The following ADAMTS20 variants were observed in gnomAD, a reference collection of about 807,000 sequenced individuals.
The protein encoded by ADAMTS20 is ADAM metallopeptidase with thrombospondin type 1 motif 20.
A neutral mutation model predicts 260.1 loss-of-function variants in ADAMTS20; 225 were observed. The observed-to-expected ratio is 0.87, with a 90% CI of 0.78 to 0.97. The LOEUF is 0.97. ADAMTS20 is among the 50% of genes least tolerant of loss of function. The probability of loss-of-function intolerance (pLI) is 0.00; values close to 1 mark genes in which losing one functional copy is unlikely to be tolerated. For missense variants in ADAMTS20, 2,400 were observed against 2,337.7 expected, an observed-to-expected ratio of 1.03 and a Z score of -0.55; for synonymous variants, 802 against 769.5, an observed-to-expected ratio of 1.04 and a Z score of -0.70.
intron 28 of ADAMTS20, among the ~76,000 whole-genome samples, chr12:43,406,201 T>C (rs150339468): frequency 0.011 from 1,625 of 152,274 alleles, 13 homozygotes; most frequent in Non-Finnish European, 0.018. Context: ...TGTTGGAGTG[T>C]CTCTCTTGGA....
intron 2 of ADAMTS20, among the ~76,000 whole-genome samples, chr12:43,545,121 C>T (rs901426018): frequency 6.6e-6 from 1 of 152,204 alleles, no homozygotes; most frequent in African/African-American, 2.4e-5. Flanking sequence ...CACTCTTCTC[C>T]TTCCCCACTG....
At chr12:43,492,419 C>T in intron 6 of ADAMTS20, 86 bp downstream of exon 6, 2 of 1,395,548 alleles carry the variant, frequency 1.4e-6, no homozygotes, top group East Asian at 2.5e-5. Context: ...AAAAACAAAA[C>T]AAAAAAAAGA....
At chr12:43,521,328 T>C (rs1943069048) in intron 3 of ADAMTS20, among the ~76,000 whole-genome samples, 1 of 152,176 alleles carries the variant, frequency 6.6e-6, no homozygotes, top group Non-Finnish European at 1.5e-5. Context: ...ATTAAATTAT[T>C]ACATTTAAAG....
intron 3 of ADAMTS20, among the ~76,000 whole-genome samples, chr12:43,507,823 A>C (rs1391133692): frequency 2.0e-5 from 3 of 152,200 alleles, no homozygotes; most frequent in Admixed American, 6.5e-5. Flanking sequence ...AAAAGGAACG[A>C]GGTATCTTTT....
intron 11 of ADAMTS20, among the ~76,000 whole-genome samples, chr12:43,456,429 G>A (rs926365492): frequency 2.0e-5 from 3 of 152,082 alleles, no homozygotes; most frequent in African/African-American, 7.2e-5. Flanking sequence ...CTCCTTGAAA[G>A]AGTCGGCCAT....
chr12:43,375,553 C>G, intron 35 of ADAMTS20, 41 bp from the exon 36 acceptor site: 1 of 1,605,174 alleles, frequency 6.2e-7, no homozygotes, highest in Non-Finnish European at 8.5e-7. Flanking sequence ...GATGCAGTTA[C>G]GAGGCCATAA....
At chr12:43,369,720 T>C (rs937482912) in intron 36 of ADAMTS20, among the ~76,000 whole-genome samples, 2 of 151,916 alleles carry the variant, frequency 1.3e-5, no homozygotes, top group African/African-American at 4.8e-5. Context: ...GCAAAATCAC[T>C]GGAGAAAAAA....
At chr12:43,501,481 G>GCGCA (rs373746834) in intron 4 of ADAMTS20, among the ~76,000 whole-genome samples, 1,487 of 117,732 alleles carry the variant, frequency 0.013, 14 homozygotes, top group Middle Eastern at 0.032. Flanking sequence ...GCGCGCGCGC[G>GCGCA]CACACACACA....
intron 7 of ADAMTS20, among the ~76,000 whole-genome samples, chr12:43,486,878 A>G (rs1312117371): frequency 1.3e-5 from 2 of 152,230 alleles, no homozygotes; most frequent in Non-Finnish European, 2.9e-5. Flanking sequence ...ATGAGATACC[A>G]TCTTACCACA....
rs968666584 is a variant in ADAMTS20 at position 43,537,226 on chromosome 12, T to G, written c.454-5031A>C. Among the ~76,000 whole-genome samples, 4 of 151,188 alleles carry G rather than the reference T, an allele frequency of 2.6e-5. No homozygotes were observed. The East Asian group carries it at 7.8e-4, about 30-fold the overall frequency. On this transcript the variant is annotated intron_variant, in intron 2 of 38. Coordinates refer to ENST00000389420, the MANE Select transcript of ADAMTS20 (RefSeq NM_025003.5). Reference sequence around the variant, plus strand: ...GGCGGAATTTTGAAGGTTTTTTTTTTGTATTTTTGGTAGAGATGGGGTTTC... The same window carrying G: ...GGCGGAATTTTGAAGGTTTTTTTTTGGTATTTTTGGTAGAGATGGGGTTTC...
intron 3 of ADAMTS20, among the ~76,000 whole-genome samples, chr12:43,528,952 G>C (rs1256434823): frequency 1.3e-5 from 2 of 151,852 alleles, no homozygotes; most frequent in Non-Finnish European, 2.9e-5. Flanking sequence ...AAATAAATCA[G>C]CAAGAAAAAA....
chr12:43,529,831 T>G (rs903554595), intron 3 of ADAMTS20, among the ~76,000 whole-genome samples: 1 of 152,054 alleles, frequency 6.6e-6, no homozygotes, highest in African/African-American at 2.4e-5. Flanking sequence ...ATATAAAACC[T>G]TCAAGTATTT....
chr12:43,433,746 C>T (rs758439351), intron 19 of ADAMTS20: 1 of 450,420 alleles, frequency 2.2e-6, no homozygotes, highest in Non-Finnish European at 4.4e-6. Flanking sequence ...ACACACAAAC[C>T]AAATAACAAG....
rs755314687 is a variant in ADAMTS20 at position 43,551,957 on chromosome 12, C to A, written c.-36G>T. The A allele has an allele frequency of 3.8e-6, 6 of 1,584,770 alleles. No homozygotes were observed. Among genetic ancestry groups the A allele is most frequent in the African/African-American group, 2.7e-5 (2 of 74,358 alleles). On this transcript the variant is annotated 5_prime_UTR_variant, in exon 1 of 39. Coordinates refer to ENST00000389420, the MANE Select transcript of ADAMTS20 (RefSeq NM_025003.5). The surrounding 1 kb of genome is among the most constrained non-coding windows in gnomAD (Gnocchi z 4.6). The stretch of plus-strand genomic sequence containing the variant: ...TGGGGACCCCGATCGGGGAGGCCCA[C>A]CAGAGCCGCCGGCAGCCAAGCCGGC...
chr12:43,425,758 G>A, intron 27 of ADAMTS20, 68 bp from the exon 28 acceptor site: 2 of 1,059,452 alleles, frequency 1.9e-6, no homozygotes, highest in Non-Finnish European at 2.6e-6. Context: ...TTCATTCAAT[G>A]TTTAAACATA....
intron 12 of ADAMTS20, 150 bp downstream of exon 12, chr12:43,453,757 A>G: frequency 1.4e-6 from 1 of 723,632 alleles, no homozygotes; most frequent in East Asian, 3.0e-5. Context: ...CTACCAAAAT[A>G]TAAATCAATG....
In ADAMTS20 at chr12:43,452,339, T is replaced by C. The variant is rs745538098; in HGVS notation, c.2014A>G (p.Met672Val). ...GTNYFYLLKD[M>V]VEDGTPCGTE... is the part of the protein sequence containing the mutation. ...CCACAAGGAGTACCATCTTCAACCA[T>C]ATCCTTCAATAGGTAGAAATAATTG... The change falls in exon 14 of 39, where the codon ATG becomes GTG. Residue 672 changes from methionine to valine, a missense_variant. Physicochemically the swap from Met to Val is conservative, Grantham distance 21. Transcript: ENST00000389420. 6.8e-6 allele frequency: 11 copies of C among 1,613,348 alleles called. No homozygotes were observed. Among genetic ancestry groups the C allele is most frequent in the East Asian group, 4.5e-5 (2 of 44,854 alleles).
chr12:43,401,520 A>G (rs1940809274), intron 28 of ADAMTS20, among the ~76,000 whole-genome samples: 1 of 151,894 alleles, frequency 6.6e-6, no homozygotes, highest in South Asian at 2.1e-4. Flanking sequence ...CATGTAGTAC[A>G]CTGCCAAAGT....
intron 3 of ADAMTS20, among the ~76,000 whole-genome samples, chr12:43,516,377 C>G (rs1280385850): frequency 1.3e-5 from 2 of 152,178 alleles, no homozygotes; most frequent in Non-Finnish European, 2.9e-5. Flanking sequence ...AGAATTACTG[C>G]TTCCTTTTCA....
Sources: gnomAD v4.1 joint callset for allele counts (sites outside exome capture counted in the v4.1 genomes callset) on GRCh38, gnomAD v4.1.1 for gene constraint, Gnocchi (gnomAD v3.1) non-coding constraint, MANE v1.5 for transcripts, NCBI Gene and HGNC (gene_info 2026-07-23, HGNC 2026-07-21) for gene names.